The following GRIK1 variants were observed in gnomAD, a reference collection of about 807,000 sequenced individuals.
The protein encoded by GRIK1 is glutamate ionotropic receptor kainate type subunit 1, also known as glutamate receptor ionotropic, kainate 1.
In GRIK1, 69 loss-of-function variants were observed where a neutral mutation model predicts 105.7. That is an observed-to-expected ratio of 0.65 (90% CI 0.54 to 0.80). The LOEUF (loss-of-function observed/expected upper bound fraction) is 0.80. Ranked by LOEUF, GRIK1 falls within the 30% of genes least tolerant of loss-of-function variation. The probability of loss-of-function intolerance (pLI) is 0.00; values close to 1 mark genes in which losing one functional copy is unlikely to be tolerated. For synonymous variants in GRIK1, 438 were observed against 431.3 expected (o/e 1.02, Z -0.19); for missense variants, 1,109 against 1,167.3 (o/e 0.95, Z 0.73).
intron 7 of GRIK1, chr21:29,601,151 G>T (rs2061510633): frequency 4.3e-6 from 2 of 468,804 alleles, no homozygotes; most frequent in Non-Finnish European, 9.0e-6. Flanking sequence ...ACGTGAGTGG[G>T]TACCATTCAA....
At chr21:29,898,789 T>C (rs574457901) in intron 1 of GRIK1, among the ~76,000 whole-genome samples, 62 of 152,186 alleles carry the variant, frequency 4.1e-4, no homozygotes, top group Admixed American at 9.2e-4. Flanking sequence ...CAGGCAAAGG[T>C]ATTTTGAGTA....
intron 1 of GRIK1, among the ~76,000 whole-genome samples, chr21:29,707,865 T>C (rs1247585966): frequency 6.6e-6 from 1 of 152,190 alleles, no homozygotes; most frequent in Admixed American, 6.5e-5. Context: ...CTATTTAATA[T>C]TTCATTGTCT....
intron 4 of GRIK1, among the ~76,000 whole-genome samples, chr21:29,661,759 A>G (rs1342603780): frequency 6.6e-6 from 1 of 152,224 alleles, no homozygotes; most frequent in East Asian, 1.9e-4. Context: ...CCCTAACTCC[A>G]GTGATTGGTA....
intron 1 of GRIK1, among the ~76,000 whole-genome samples, chr21:29,716,762 A>G (rs2146838527): frequency 6.6e-6 from 1 of 152,340 alleles, no homozygotes; most frequent in South Asian, 2.1e-4. Flanking sequence ...AATGCAATGG[A>G]AAAGAAAAAC....
At chr21:29,631,370 A>G (rs2062267801) in intron 7 of GRIK1, among the ~76,000 whole-genome samples, 3 of 152,206 alleles carry the variant, frequency 2.0e-5, no homozygotes, top group Admixed American at 6.5e-5. Context: ...GTGTCCTTGT[A>G]AGAAGAGACA....
At chr21:29,918,684 G>A (rs373814814) in intron 1 of GRIK1, among the ~76,000 whole-genome samples, 13 of 151,930 alleles carry the variant, frequency 8.6e-5, no homozygotes, top group African/African-American at 3.1e-4. Flanking sequence ...AATAAGCAAA[G>A]CAAATAAATA....
chr21:29,899,074 T>G (rs458089), intron 1 of GRIK1, among the ~76,000 whole-genome samples: 33,630 of 152,138 alleles, frequency 0.22, 4,236 homozygotes, highest in African/African-American at 0.34. Context: ...AAAGTCAGTT[T>G]TTAACTGGCC....
At chr21:29,753,157 T>C (rs563887440) in intron 1 of GRIK1, among the ~76,000 whole-genome samples, 9 of 152,200 alleles carry the variant, frequency 5.9e-5, no homozygotes, top group Non-Finnish European at 1.2e-4. Context: ...AAAAGAATAT[T>C]GGCCCACTGT....
At chr21:29,720,579 A>C (rs1044474891) in intron 1 of GRIK1, among the ~76,000 whole-genome samples, 1 of 152,018 alleles carries the variant, frequency 6.6e-6, no homozygotes, top group African/African-American at 2.4e-5. Context: ...TCCAACTGAG[A>C]AAGGGCTGAA....
In GRIK1 at chr21:29,939,633, G is replaced by A. The variant is rs2071908520; in HGVS notation, c.-133C>T. On this transcript the variant is annotated 5_prime_UTR_variant, in exon 1 of 18. Coordinates refer to ENST00000327783, the MANE Select transcript of GRIK1 (RefSeq NM_001330994.2). ...CCAAGCACGCTGCGCGCTCCCCACG[G>A]AGCGAGCTCGAGGGAACCCGCGTGG... 1 of 580,472 alleles carries A rather than the reference G, an allele frequency of 1.7e-6. No homozygotes were observed. Among genetic ancestry groups the A allele is most frequent in the African/African-American group, 2.0e-5 (1 of 50,586 alleles). The allele number at this position is 580,472 out of a possible 1,614,324, so 36.0% of individuals were successfully genotyped here. A position where few individuals can be genotyped will look rare whatever the true frequency, so the allele number is the denominator to read the frequency against.
intron 1 of GRIK1, among the ~76,000 whole-genome samples, chr21:29,702,763 C>A (rs973921860): frequency 1.2e-4 from 18 of 152,180 alleles, no homozygotes; most frequent in Admixed American, 2.6e-4. Context: ...AGTGATGCAG[C>A]CAGAAGCCAA....
rs555338438 is a variant in GRIK1 at position 29,759,397 on chromosome 21, C to A, written c.119-65334G>T. Among the ~76,000 whole-genome samples, 45 of 152,252 alleles carry A rather than the reference C, an allele frequency of 3.0e-4. No homozygotes were observed. The South Asian group carries it at 8.7e-3, about 29-fold the overall frequency. ...CCTCCTAAAGTGCTGGGATTACAGG[C>A]GTGAGACACCACGCCCTGCCCAGTT... On this transcript the variant is annotated intron_variant, in intron 1 of 17. Transcript: ENST00000327783.
At chr21:29,888,773 T>C (rs1252440898) in intron 1 of GRIK1, among the ~76,000 whole-genome samples, 1 of 152,236 alleles carries the variant, frequency 6.6e-6, no homozygotes, top group African/African-American at 2.4e-5. Flanking sequence ...AAAGGCCAGA[T>C]AGCTGTACTC....
chr21:29,775,024 T>A (rs1443925559), intron 1 of GRIK1, among the ~76,000 whole-genome samples: 2 of 151,992 alleles, frequency 1.3e-5, no homozygotes, highest in African/African-American at 4.8e-5. Flanking sequence ...GCTAAAAACA[T>A]CCACCAAAAC....
intron 14 of GRIK1, among the ~76,000 whole-genome samples, chr21:29,573,534 G>A (rs1166319087): frequency 6.6e-6 from 1 of 151,990 alleles, no homozygotes; most frequent in East Asian, 1.9e-4. Flanking sequence ...GAGGTCAGGA[G>A]TTTGAGACAG....
intron 1 of GRIK1, among the ~76,000 whole-genome samples, chr21:29,867,864 G>A (rs1569174174): frequency 4.4e-4 from 34 of 77,638 alleles, no homozygotes; most frequent in African/African-American, 1.6e-3. Context: ...GAGAAAGAGA[G>A]AGAAAGAGAG....
intron 1 of GRIK1, among the ~76,000 whole-genome samples, chr21:29,771,646 A>T (rs900479464): frequency 6.6e-6 from 1 of 152,196 alleles, no homozygotes; most frequent in Admixed American, 6.5e-5. Flanking sequence ...GCTGATGGGA[A>T]AATGTTGATC....
At chr21:29,633,196 C>T (rs1261187786) in intron 7 of GRIK1, among the ~76,000 whole-genome samples, 3 of 152,202 alleles carry the variant, frequency 2.0e-5, no homozygotes, top group Non-Finnish European at 4.4e-5. Flanking sequence ...TTCTCAGCCT[C>T]CAGAACTGTA....
chr21:29,673,019 A>G lies in GRIK1; in HGVS notation c.690T>C (p.Asp230=). Residue 230 remains aspartate (D), a synonymous_variant, in exon 4 of 18, where the codon GAT becomes GAC. Transcript: ENST00000327783. Reference sequence around the variant, plus strand: ...TTTCAGCGGCTGTTTCATGTGAACAATCAAATATCACATAGAACTCCTTGC... The same window carrying G: ...TTTCAGCGGCTGTTTCATGTGAACAGTCAAATATCACATAGAACTCCTTGC... ...KKGKEFYVIF[D]CSHETAAEIL... 6.2e-7 allele frequency: 1 copy of G among 1,613,450 alleles called. No homozygotes were observed. Among genetic ancestry groups the G allele is most frequent in the East Asian group, 2.2e-5 (1 of 44,868 alleles).
Sources: allele counts gnomAD v4.1 joint callset (sites outside exome capture counted in the v4.1 genomes callset), GRCh38; gene constraint gnomAD v4.1.1; transcripts MANE v1.5; gene names NCBI Gene and HGNC (gene_info 2026-07-23, HGNC 2026-07-21).